The following SARNP variants were observed in gnomAD, a reference collection of about 807,000 sequenced individuals.
The protein encoded by SARNP is SAP domain containing ribonucleoprotein.
Under a neutral mutation model 38.1 loss-of-function variants are expected in SARNP, and 5 were observed. That is an observed-to-expected ratio of 0.13 (90% confidence interval 0.07 to 0.28). The LOEUF (loss-of-function observed/expected upper bound fraction) is 0.28. SARNP is among the 10% of genes least tolerant of loss of function. The probability of loss-of-function intolerance (pLI) is 1.00; values close to 1 mark genes in which losing one functional copy is unlikely to be tolerated. For synonymous variants in SARNP, 84 were observed against 80.6 expected (o/e 1.04, Z -0.23); for missense variants, 180 against 243.9 (o/e 0.74, Z 1.75).
At chr12:55,815,063 T>A (rs1880442506) in intron 1 of SARNP, among the ~76,000 whole-genome samples, 1 of 151,908 alleles carries the variant, frequency 6.6e-6, no homozygotes, top group Non-Finnish European at 1.5e-5. Flanking sequence ...TTTTATTTTC[T>A]TTTTTTTGAG....
At chr12:55,785,567 T>C (rs1879466686) in intron 9 of SARNP, among the ~76,000 whole-genome samples, 1 of 151,180 alleles carries the variant, frequency 6.6e-6, no homozygotes, top group South Asian at 2.1e-4. Context: ...AAGTGAGTGA[T>C]CACTTGAGGC....
intron 1 of SARNP, among the ~76,000 whole-genome samples, chr12:55,808,282 A>G (rs962171763): frequency 7.2e-5 from 11 of 152,042 alleles, no homozygotes; most frequent in African/African-American, 2.7e-4. Context: ...CCCGGAGTTC[A>G]AGAACAGCCT....
intron 4 of SARNP, among the ~76,000 whole-genome samples, chr12:55,799,746 G>T (rs1157051949): frequency 2.0e-5 from 3 of 151,022 alleles, no homozygotes; most frequent in Non-Finnish European, 4.4e-5. Context: ...AAGAGACAGG[G>T]TTTCACCATC....
At chr12:55,790,489 C>A in intron 8 of SARNP, 78 bp downstream of exon 8, 2 of 1,429,720 alleles carry the variant, frequency 1.4e-6, no homozygotes, top group Non-Finnish European at 1.9e-6. Flanking sequence ...TTCCTCTAAT[C>A]TGGGGAGGAG....
chr12:55,781,619 T>C (rs1170874026), intron 9 of SARNP, among the ~76,000 whole-genome samples: 1 of 151,920 alleles, frequency 6.6e-6, no homozygotes, highest in Non-Finnish European at 1.5e-5. Flanking sequence ...AAGTGGTTCA[T>C]CTCCTACCAA....
Position 55,757,485 on chromosome 12 carries a change from A to C in SARNP, c.*27T>G, listed in dbSNP as rs868261159. 1.3e-6 allele frequency: 2 copies of C among 1,595,324 alleles called. No individual in the cohort carries two copies. Among genetic ancestry groups the C allele is most frequent in the Middle Eastern group, 3.3e-4 (2 of 5,984 alleles). ...GAAGGAGAGAAATGGAAAACACTGGAGAACAGAAAGTATCAGGAACTTTTC... is the reference window on the plus strand; with the variant it reads ...GAAGGAGAGAAATGGAAAACACTGGCGAACAGAAAGTATCAGGAACTTTTC... On this transcript the variant is annotated 3_prime_UTR_variant, in exon 11 of 11. Transcript: ENST00000336133.
chr12:55,797,010 G>A (rs1879840532), intron 4 of SARNP, among the ~76,000 whole-genome samples: 2 of 152,092 alleles, frequency 1.3e-5, no homozygotes, highest in African/African-American at 4.8e-5. Flanking sequence ...GACAAAGTTC[G>A]GAAGTACCCA....
intron 1 of SARNP, among the ~76,000 whole-genome samples, chr12:55,811,059 G>C (rs1880312828): frequency 6.8e-6 from 1 of 147,396 alleles, no homozygotes; most frequent in African/African-American, 2.5e-5. Flanking sequence ...TCCAGCCTGG[G>C]TGACAGAGCG....
intron 9 of SARNP, among the ~76,000 whole-genome samples, chr12:55,786,109 A>G (rs1879485355): frequency 6.6e-6 from 1 of 152,224 alleles, no homozygotes; most frequent in South Asian, 2.1e-4. Flanking sequence ...AACAAAGAGA[A>G]AAAGTCTAGG....
chr12:55,790,805 G>A (rs1879645314), intron 7 of SARNP, among the ~76,000 whole-genome samples: 1 of 152,152 alleles, frequency 6.6e-6, no homozygotes, highest in Non-Finnish European at 1.5e-5. Context: ...TTCCTCAAAA[G>A]ATAAATACAG....
At chr12:55,802,237 T>C (rs1880000348) in intron 2 of SARNP, among the ~76,000 whole-genome samples, 1 of 152,174 alleles carries the variant, frequency 6.6e-6, no homozygotes. Flanking sequence ...ACATTAAGTA[T>C]ATATTTATGA....
At chr12:55,802,668 T>C (rs921311195) in intron 2 of SARNP, among the ~76,000 whole-genome samples, 2 of 151,628 alleles carry the variant, frequency 1.3e-5, no homozygotes, top group Admixed American at 6.6e-5. Flanking sequence ...AAAACTAAAA[T>C]CTGAAACACT....
chr12:55,807,808 T>C (rs1245873306), intron 1 of SARNP, among the ~76,000 whole-genome samples: 2 of 147,334 alleles, frequency 1.4e-5, no homozygotes, highest in Non-Finnish European at 3.0e-5. Flanking sequence ...AGCGAGACTT[T>C]GTCTCAAAAA....
At chr12:55,790,490 T>G (rs370503501) in intron 8 of SARNP, 77 bp downstream of exon 8, 2 of 1,428,600 alleles carry the variant, frequency 1.4e-6, no homozygotes, top group African/African-American at 2.9e-5. Flanking sequence ...TCCTCTAATC[T>G]GGGGAGGAGG....
chr12:55,787,749 CTT>C (rs150950873), intron 9 of SARNP, among the ~76,000 whole-genome samples: 8 of 137,148 alleles, frequency 5.8e-5, no homozygotes, highest in South Asian at 2.3e-4. Flanking sequence ...TTCTTTCTTT[CTT>C]TTTTTTTTTT....
chr12:55,797,305 T>C (rs1211400929), intron 4 of SARNP, among the ~76,000 whole-genome samples: 2 of 152,144 alleles, frequency 1.3e-5, no homozygotes, highest in Non-Finnish European at 2.9e-5. Context: ...AGTCCTACGA[T>C]ATGTAACCGC....
chr12:55,790,349 G>C (rs1010607857), intron 8 of SARNP, among the ~76,000 whole-genome samples: 1 of 152,126 alleles, frequency 6.6e-6, no homozygotes, highest in Non-Finnish European at 1.5e-5. Context: ...AAGAGTGGTA[G>C]GAAGGAAGAC....
At chr12:55,807,621 T>A (rs1325416803) in intron 1 of SARNP, among the ~76,000 whole-genome samples, 2 of 143,016 alleles carry the variant, frequency 1.4e-5, no homozygotes, top group East Asian at 4.1e-4. Context: ...GCTAGCACGG[T>A]GAAACCCCGT....
At chr12:55,783,372 C>G (rs1439030794) in intron 9 of SARNP, among the ~76,000 whole-genome samples, 1 of 152,028 alleles carries the variant, frequency 6.6e-6, no homozygotes, top group African/African-American at 2.4e-5. Context: ...AGTCATGCCA[C>G]TCTATCCTCA....
Sources: gnomAD v4.1 joint callset for allele counts (sites outside exome capture counted in the v4.1 genomes callset) on GRCh38, gnomAD v4.1.1 for gene constraint, MANE v1.5 for transcripts, NCBI Gene and HGNC (gene_info 2026-07-23, HGNC 2026-07-21) for gene names.